SH3GL3: variants seen among roughly 807,000 people sequenced by gnomAD.
The protein encoded by SH3GL3 is SH3 domain containing GRB2 like 3, endophilin A3.
In SH3GL3, 33 loss-of-function variants were observed where a neutral mutation model predicts 47.7. The observed-to-expected ratio is 0.69, with a 90% CI of 0.52 to 0.92. SH3GL3 has a LOEUF of 0.92. Ranked by LOEUF, SH3GL3 falls within the 40% of genes least tolerant of loss-of-function variation. SH3GL3 has a pLI of 0.00. For missense variants in SH3GL3, 363 were observed against 417.8 expected (o/e 0.87, Z 1.14); for synonymous variants, 155 against 148.8 (o/e 1.04, Z -0.30).
chr15:83,447,405 C>A lies in SH3GL3; in HGVS notation c.-129C>A. ...CAGCGGCTGTGGCTGTGGCCGTGGCCGTGGGAGGCGGGCCCGGCGGAGCCC... is the reference window on the plus strand; with the variant it reads ...CAGCGGCTGTGGCTGTGGCCGTGGCAGTGGGAGGCGGGCCCGGCGGAGCCC... On this transcript the variant is annotated 5_prime_UTR_variant, in exon 1 of 9. Coordinates refer to ENST00000427482, the MANE Select transcript of SH3GL3 (RefSeq NM_003027.5). This position sits in a 1 kb window ranked among gnomAD's most constrained non-coding sequence, Gnocchi z 5.1. 1.0e-5 allele frequency: 6 copies of A among 596,408 alleles called. No homozygotes were observed. Among genetic ancestry groups the A allele is most frequent in the South Asian group, 6.5e-5 (1 of 15,352 alleles). The allele number at this position is 596,408 out of a possible 1,614,324, so 36.9% of individuals were successfully genotyped here. A position where few individuals can be genotyped will look rare whatever the true frequency, so the allele number is the denominator to read the frequency against.
intron 1 of SH3GL3, among the ~76,000 whole-genome samples, chr15:83,527,053 G>C (rs1477833299): frequency 2.0e-5 from 3 of 152,064 alleles, no homozygotes; most frequent in Non-Finnish European, 4.4e-5. Context: ...ATTTTTGCAG[G>C]TTGATTTTGT....
intron 1 of SH3GL3, among the ~76,000 whole-genome samples, chr15:83,465,177 G>A (rs1740567463): frequency 6.6e-6 from 1 of 151,758 alleles, no homozygotes; most frequent in Non-Finnish European, 1.5e-5. Flanking sequence ...GGGCATGGTG[G>A]TGTGTGTCTG....
intron 8 of SH3GL3, among the ~76,000 whole-genome samples, chr15:83,611,038 CTATATA>C (rs368559406): frequency 6.8e-6 from 1 of 148,102 alleles, no homozygotes; most frequent in Admixed American, 6.8e-5. Context: ...GTGTGTGTGT[CTATATA>C]TATATATAGA....
At chr15:83,482,554 C>T (rs558399378) in intron 1 of SH3GL3, among the ~76,000 whole-genome samples, 6 of 151,488 alleles carry the variant, frequency 4.0e-5, no homozygotes, top group Admixed American at 6.6e-5. Context: ...AGTGCAATGG[C>T]GTGATCTCGG....
chr15:83,467,785 C>CT (rs2040634075), intron 1 of SH3GL3, among the ~76,000 whole-genome samples: 5 of 151,750 alleles, frequency 3.3e-5, no homozygotes, highest in African/African-American at 7.2e-5. Context: ...GTATTCATGC[C>CT]TTTTTTTTAG....
chr15:83,626,901 A>G, the SH3GL3 span, among the ~76,000 whole-genome samples: 7 of 152,190 alleles, frequency 4.6e-5, no homozygotes, highest in African/African-American at 1.4e-4. Context: ...CCCATCAACA[A>G]TTAGGGTATT....
intron 1 of SH3GL3, among the ~76,000 whole-genome samples, chr15:83,554,118 C>CAAG (rs1040220558): frequency 1.3e-4 from 20 of 149,602 alleles, no homozygotes; most frequent in African/African-American, 4.9e-4. Flanking sequence ...CTCCCGAGTT[C>CAAG]AAGTGATTCT....
intron 8 of SH3GL3, among the ~76,000 whole-genome samples, chr15:83,612,887 C>A (rs568809225): frequency 1.5e-4 from 23 of 152,308 alleles, no homozygotes; most frequent in Non-Finnish European, 3.2e-4. Context: ...TTATAAAAGC[C>A]TACCTGGCTC....
At chr15:83,593,466 C>T (rs933307788) in intron 8 of SH3GL3, among the ~76,000 whole-genome samples, 8 of 152,114 alleles carry the variant, frequency 5.3e-5, no homozygotes, top group Non-Finnish European at 1.2e-4. Flanking sequence ...CAATTGCAAA[C>T]AGCATTTTAA....
At position 83,473,855 on chromosome 15, in the gene SH3GL3, C is replaced by CTTT. The variant is rs369520024; in HGVS notation, c.45+26289_45+26291dup. On this transcript the variant is annotated intron_variant, in intron 1 of 8. Coordinates refer to ENST00000427482, the MANE Select transcript of SH3GL3 (RefSeq NM_003027.5). Reference sequence around the variant, plus strand: ...AGCCACCGCGCCCGGCCTGTTGGGGCTTTTTTTTTTTTTTATGTCCATGCG... The same window carrying CTTT: ...AGCCACCGCGCCCGGCCTGTTGGGGCTTTTTTTTTTTTTTTTTATGTCCATGCG... 5.7e-5 allele frequency among the ~76,000 whole-genome samples: 8 copies of CTTT among 139,250 alleles called. No homozygotes were observed. In the East Asian group the frequency reaches 6.3e-4, roughly 11 times the overall value. The allele number at this position is 139,250 out of a possible 152,430, so 91.4% of individuals were successfully genotyped here.
chr15:83,533,911 G>A (rs1483893702), intron 1 of SH3GL3, among the ~76,000 whole-genome samples: 2 of 152,262 alleles, frequency 1.3e-5, no homozygotes, highest in South Asian at 2.1e-4. Context: ...TGCAATGTAC[G>A]TTTTTATTTC....
intron 1 of SH3GL3, among the ~76,000 whole-genome samples, chr15:83,474,665 G>T (rs1227486214): frequency 6.6e-6 from 1 of 152,150 alleles, no homozygotes; most frequent in Admixed American, 6.5e-5. Flanking sequence ...TATGGTCTCT[G>T]TAGAGATAAC....
In SH3GL3 at chr15:83,515,525, T is replaced by TG. The variant is rs201207311; in HGVS notation, c.46-43720dup. Among the ~76,000 whole-genome samples, 1,074 of 147,516 alleles carry TG rather than the reference T, an allele frequency of 7.3e-3. 4 individuals are homozygous for TG. Among genetic ancestry groups the TG allele is most frequent in the Middle Eastern group, 0.017 (5 of 290 alleles). On this transcript the variant is annotated intron_variant, in intron 1 of 8. Transcript: ENST00000427482. ...CTGGGGTAAAGGGAGCCCATGCAGG[T>TG]GGGGGGGGAGGGGAAGGGAATGGGA...
chr15:83,506,488 A>T (rs2042509160), intron 1 of SH3GL3, among the ~76,000 whole-genome samples: 1 of 152,098 alleles, frequency 6.6e-6, no homozygotes, highest in Admixed American at 6.5e-5. Flanking sequence ...GACACATCTG[A>T]TAGGGCCTGC....
At chr15:83,508,912 C>T (rs1384805123) in intron 1 of SH3GL3, among the ~76,000 whole-genome samples, 1 of 152,088 alleles carries the variant, frequency 6.6e-6, no homozygotes, top group African/African-American at 2.4e-5. Context: ...AAAGATCATT[C>T]TGGTTGCTCC....
intron 2 of SH3GL3, among the ~76,000 whole-genome samples, chr15:83,559,851 G>A (rs1280512792): frequency 6.6e-6 from 1 of 152,182 alleles, no homozygotes; most frequent in Non-Finnish European, 1.5e-5. Flanking sequence ...AGTGTGCCCT[G>A]CTTGTCTCAC....
At chr15:83,609,413 T>C (rs1338315071) in intron 8 of SH3GL3, 10 of 439,792 alleles carry the variant, frequency 2.3e-5, no homozygotes, top group Non-Finnish European at 3.6e-5. Flanking sequence ...ACAAAAACAC[T>C]CAAAAGACAC....
At chr15:83,458,136 A>G (rs2040089911) in intron 1 of SH3GL3, among the ~76,000 whole-genome samples, 4 of 152,362 alleles carry the variant, frequency 2.6e-5, no homozygotes, top group Admixed American at 2.0e-4. Flanking sequence ...AATAGTGAAC[A>G]TATTCTGGAG....
chr15:83,618,444 T>C lies in SH3GL3; in HGVS notation c.*157T>C. 2 of 591,160 alleles carry C rather than the reference T, an allele frequency of 3.4e-6. No individual in the cohort carries two copies. The highest frequency in any genetic ancestry group is 6.0e-6 in the Non-Finnish European group (2 of 331,292). 36.6% of individuals were successfully genotyped at this position (591,160 alleles called of 1,614,324 possible). A position where few individuals can be genotyped will look rare whatever the true frequency, so the allele number is the denominator to read the frequency against. On this transcript the variant is annotated 3_prime_UTR_variant, in exon 9 of 9. Transcript: ENST00000427482. ...ATAATGTATTTTATATCACTTTAAT[T>C]TGTATAAATGATTTTCTTGTCCTTG...
Sources: allele counts gnomAD v4.1 joint callset (sites outside exome capture counted in the v4.1 genomes callset), GRCh38; gene constraint gnomAD v4.1.1; non-coding constraint Gnocchi (gnomAD v3.1); transcripts MANE v1.5; gene names NCBI Gene and HGNC (gene_info 2026-07-23, HGNC 2026-07-21).